ENOX1: variants seen among roughly 807,000 people sequenced by gnomAD.
ENOX1 encodes ecto-NOX disulfide-thiol exchanger 1.
A neutral mutation model predicts 82.5 loss-of-function variants in ENOX1; 42 were observed. The observed-to-expected ratio is 0.51, with a 90% CI of 0.40 to 0.66. The LOEUF is 0.66. ENOX1 is among the 30% of genes least tolerant of loss of function. ENOX1 has a pLI of 0.00. For synonymous variants in ENOX1, 271 were observed against 282.2 expected, an observed-to-expected ratio of 0.96 and a Z score of 0.40; for missense variants, 608 against 811.6, an observed-to-expected ratio of 0.75 and a Z score of 3.05.
At chr13:43,312,176 G>A (rs928397600) in intron 11 of ENOX1, among the ~76,000 whole-genome samples, 1 of 152,124 alleles carries the variant, frequency 6.6e-6, no homozygotes, top group African/African-American at 2.4e-5. Context: ...TAGGACATTG[G>A]GGGAAGGGAG....
intron 2 of ENOX1, among the ~76,000 whole-genome samples, chr13:43,492,043 T>A (rs2076636936): frequency 6.6e-6 from 1 of 152,200 alleles, no homozygotes; most frequent in Admixed American, 6.5e-5. Flanking sequence ...GTGTCGCCTA[T>A]GACAAAAGTG....
At chr13:43,433,928 G>C (rs570929819) in intron 3 of ENOX1, among the ~76,000 whole-genome samples, 1 of 152,212 alleles carries the variant, frequency 6.6e-6, no homozygotes, top group Non-Finnish European at 1.5e-5. Flanking sequence ...TAAGGACACA[G>C]GCCTGAAGCT....
At chr13:43,340,955 T>A (rs1023930271) in intron 9 of ENOX1, among the ~76,000 whole-genome samples, 1 of 152,180 alleles carries the variant, frequency 6.6e-6, no homozygotes, top group Non-Finnish European at 1.5e-5. Flanking sequence ...AAAGCAGACA[T>A]ATCATGAAAT....
intron 5 of ENOX1, among the ~76,000 whole-genome samples, chr13:43,388,275 A>G (rs1594272542): frequency 6.6e-6 from 1 of 152,216 alleles, no homozygotes; most frequent in African/African-American, 2.4e-5. Context: ...GGAAAAGACC[A>G]TTAGGGAAAG....
intron 2 of ENOX1, among the ~76,000 whole-genome samples, chr13:43,491,118 G>A (rs912074784): frequency 6.6e-5 from 10 of 152,124 alleles, no homozygotes; most frequent in African/African-American, 2.4e-4. Context: ...TTACTATCAT[G>A]GTGGAAGGCA....
intron 1 of ENOX1, among the ~76,000 whole-genome samples, chr13:43,720,973 C>T (rs532927831): frequency 6.6e-6 from 1 of 152,290 alleles, no homozygotes; most frequent in South Asian, 2.1e-4. Flanking sequence ...AGTAGTCAAC[C>T]ACTTGCTGGA....
intron 11 of ENOX1, among the ~76,000 whole-genome samples, chr13:43,315,790 C>T (rs2047444460): frequency 6.6e-6 from 1 of 152,162 alleles, no homozygotes; most frequent in African/African-American, 2.4e-5. Flanking sequence ...TAAATATTCC[C>T]TCAGTGTCCT....
intron 1 of ENOX1, among the ~76,000 whole-genome samples, chr13:43,765,406 G>A (rs576194212): frequency 4.3e-4 from 66 of 152,172 alleles, no homozygotes; most frequent in African/African-American, 1.6e-3. Context: ...TGCTTTGAAT[G>A]ACCTCCACCT....
intron 5 of ENOX1, among the ~76,000 whole-genome samples, chr13:43,362,247 G>A (rs1398456794): frequency 6.7e-6 from 1 of 149,002 alleles, no homozygotes; most frequent in Non-Finnish European, 1.5e-5. Context: ...TTTTTTTAGT[G>A]TGATAATGAA....
intron 2 of ENOX1, among the ~76,000 whole-genome samples, chr13:43,616,103 G>GATATCTATATAGATAT (rs1273609788): frequency 1.3e-4 from 1 of 7,914 alleles, no homozygotes; most frequent in Non-Finnish European, 4.0e-4. Context: ...TATCTATATA[G>GATATCTATATAGATAT]ATAGATATCT....
At chr13:43,602,759 A>G (rs1412926971) in intron 2 of ENOX1, among the ~76,000 whole-genome samples, 4 of 152,088 alleles carry the variant, frequency 2.6e-5, no homozygotes, top group African/African-American at 7.2e-5. Flanking sequence ...ATGTAACTGA[A>G]AAAAAAGGAT....
intron 3 of ENOX1, among the ~76,000 whole-genome samples, chr13:43,452,012 G>C (rs148239408): frequency 6.6e-6 from 1 of 152,206 alleles, no homozygotes; most frequent in Non-Finnish European, 1.5e-5. Flanking sequence ...TTGGAAAGGT[G>C]ACAGTTGAGT....
chr13:43,579,742 G>A (rs552560813), intron 2 of ENOX1, among the ~76,000 whole-genome samples: 2 of 152,308 alleles, frequency 1.3e-5, no homozygotes, highest in East Asian at 1.9e-4. Flanking sequence ...GGGAGGAATT[G>A]CAAAGACTTT....
chr13:43,621,954 A>G (rs771918441), intron 2 of ENOX1, among the ~76,000 whole-genome samples: 42 of 152,088 alleles, frequency 2.8e-4, no homozygotes, highest in Non-Finnish European at 2.9e-4. Flanking sequence ...CTATTTTCTT[A>G]TTCTTTTTTC....
chr13:43,272,377 G>A (rs1233906526), intron 12 of ENOX1, among the ~76,000 whole-genome samples: 1 of 152,176 alleles, frequency 6.6e-6, no homozygotes, highest in Non-Finnish European at 1.5e-5. Flanking sequence ...GAACTCTTAG[G>A]TAAAAGAGTG....
chr13:43,695,718 G>T (rs1434309021), intron 1 of ENOX1, among the ~76,000 whole-genome samples: 1 of 152,082 alleles, frequency 6.6e-6, no homozygotes, highest in Non-Finnish European at 1.5e-5. Context: ...AAAGTGCTGG[G>T]ATTACAGGCG....
At chr13:43,553,998 C>T (rs2079323657) in intron 2 of ENOX1, among the ~76,000 whole-genome samples, 1 of 152,166 alleles carries the variant, frequency 6.6e-6, no homozygotes, top group Admixed American at 6.5e-5. Context: ...ATCCACACAC[C>T]TTGGTCTCCC....
intron 1 of ENOX1, among the ~76,000 whole-genome samples, chr13:43,730,766 T>C (rs1285158339): frequency 6.6e-6 from 1 of 152,202 alleles, no homozygotes; most frequent in African/African-American, 2.4e-5. Flanking sequence ...CAGGAACTAC[T>C]TGCAGCTCCC....
intron 5 of ENOX1, among the ~76,000 whole-genome samples, chr13:43,375,594 A>G (rs1285005766): frequency 6.6e-6 from 1 of 152,248 alleles, no homozygotes; most frequent in Non-Finnish European, 1.5e-5. Context: ...GTTATTAGCA[A>G]GGCACACAAA....
Sources: allele counts gnomAD v4.1 joint callset (sites outside exome capture counted in the v4.1 genomes callset), GRCh38; gene constraint gnomAD v4.1.1; transcripts MANE v1.5; gene names NCBI Gene and HGNC (gene_info 2026-07-23, HGNC 2026-07-21).